ADGRL1: variants seen among roughly 807,000 people sequenced by gnomAD.
ADGRL1 encodes the protein adhesion G protein-coupled receptor L1.
A neutral mutation model predicts 148.9 loss-of-function variants in ADGRL1; 31 were observed. That is an observed-to-expected ratio of 0.21 (90% CI 0.16 to 0.28). The LOEUF (loss-of-function observed/expected upper bound fraction) is 0.28. Ranked by LOEUF, ADGRL1 falls within the 10% of genes least tolerant of loss-of-function variation. The probability of loss-of-function intolerance (pLI) is 1.00; values close to 1 mark genes in which losing one functional copy is unlikely to be tolerated. For synonymous variants in ADGRL1, 937 were observed against 900.3 expected (o/e 1.04, Z -0.73); for missense variants, 1,521 against 2,058.8 (o/e 0.74, Z 5.05).
intron 18 of ADGRL1, among the ~76,000 whole-genome samples, chr19:14,154,896 C>T (rs1408059889): frequency 2.0e-5 from 3 of 152,290 alleles, no homozygotes; most frequent in Admixed American, 1.3e-4. Flanking sequence ...GGATTACAGG[C>T]GTGAGCCACC....
chr19:14,177,266 G>A (rs564511513), intron 3 of ADGRL1, among the ~76,000 whole-genome samples: 12 of 152,220 alleles, frequency 7.9e-5, no homozygotes, highest in Admixed American at 4.6e-4. Context: ...ATCTTGGGAT[G>A]GAAGTTATGG....
intron 1 of ADGRL1, among the ~76,000 whole-genome samples, chr19:14,196,130 G>A (rs1434821675): frequency 6.6e-6 from 1 of 152,080 alleles, no homozygotes; most frequent in Non-Finnish European, 1.5e-5. Context: ...CTATCTATCT[G>A]CCACCCCTGT....
At chr19:14,170,441 G>T (rs1172623777) in intron 4 of ADGRL1, 2 of 446,034 alleles carry the variant, frequency 4.5e-6, no homozygotes, top group African/African-American at 4.0e-5. Flanking sequence ...GCTGGGGTAA[G>T]GAGAGCTGGA....
chr19:14,161,623 G>A lies in ADGRL1; in HGVS notation c.1199C>T (p.Pro400Leu). Residue 400 changes from proline to leucine, a missense_variant, in exon 6 of 23, where the codon CCA becomes CTA. Physicochemically the swap from Pro to Leu is moderately conservative, Grantham distance 98. This residue lies in a region of ADGRL1 where 270 missense variants were observed against 320.4 expected (regional missense o/e 0.84). Transcript: ENST00000361434. The surrounding 1 kb of genome is among the most constrained non-coding windows in gnomAD (Gnocchi z 4.4). ...CGTGCTGAGGGGTGGGGAAGTGGCT[G>A]GGCCTGGAGAGGGGATACGAGACAG... The part of the protein sequence containing the change: ...EFGPPDPSAG[P>L]ATSPPLSTTT... 2.1e-6 allele frequency: 3 copies of A among 1,410,962 alleles called. No individual in the cohort carries two copies. The highest frequency in any genetic ancestry group is 2.8e-6 in the Non-Finnish European group (3 of 1,087,816). 87.4% of individuals were successfully genotyped at this position (1,410,962 alleles called of 1,614,324 possible). A position where few individuals can be genotyped will look rare whatever the true frequency, so the allele number is the denominator to read the frequency against.
At chr19:14,165,774 G>T (rs927105014) in intron 4 of ADGRL1, among the ~76,000 whole-genome samples, 3 of 152,006 alleles carry the variant, frequency 2.0e-5, no homozygotes, top group Admixed American at 6.6e-5. Flanking sequence ...TGGGGGAGAG[G>T]GGAAGACGGG....
In ADGRL1 at chr19:14,161,366, G is replaced by A; in HGVS notation, c.1456C>T (p.Pro486Ser). Residue 486 changes from proline (P) to serine (S), a missense_variant, in exon 6 of 23, where the codon CCG (proline) becomes TCG (serine). Pro to Ser is a moderately conservative substitution (Grantham distance 74). This residue lies in a region of ADGRL1 where 270 missense variants were observed against 320.4 expected (regional missense o/e 0.84). Transcript: ENST00000361434. The surrounding 1 kb of genome is among the most constrained non-coding windows in gnomAD (Gnocchi z 4.4). Reference sequence around the variant, plus strand: ...ACCAGCATGCCCTGCTGGGTGGCCGGCCACTGGACCCGCCGTACCTCTCGG... The same window carrying A: ...ACCAGCATGCCCTGCTGGGTGGCCGACCACTGGACCCGCCGTACCTCTCGG... ...EPREVRRVQW[P>S]ATQQGMLVER... 1 of 1,575,366 alleles carries A rather than the reference G, an allele frequency of 6.3e-7. No homozygotes were observed. The highest frequency in any genetic ancestry group is 8.6e-7 in the Non-Finnish European group (1 of 1,163,640).
chr19:14,172,049 C>A (rs917224045), intron 3 of ADGRL1, among the ~76,000 whole-genome samples: 1 of 152,146 alleles, frequency 6.6e-6, no homozygotes, highest in Admixed American at 6.5e-5. Flanking sequence ...AAGGATCTAG[C>A]AGGGAGAGAG....
intron 1 of ADGRL1, among the ~76,000 whole-genome samples, chr19:14,205,651 G>C (rs1305275297): frequency 1.4e-5 from 2 of 147,920 alleles, no homozygotes; most frequent in African/African-American, 2.6e-5. Context: ...ACAAAGGCTG[G>C]CGCGCGCGCG....
chr19:14,166,938 G>A (rs1265557686), intron 4 of ADGRL1: 1 of 1,421,724 alleles, frequency 7.0e-7, no homozygotes, highest in Non-Finnish European at 9.9e-7. Flanking sequence ...AGGGGCCGGG[G>A]GAGGGCAGGT....
intron 2 of ADGRL1, 139 bp downstream of exon 2, chr19:14,183,394 C>T (rs1971355743): frequency 1.3e-6 from 1 of 757,240 alleles, no homozygotes; most frequent in Middle Eastern, 3.3e-4. Flanking sequence ...CTTCCACTGG[C>T]CTGCTCCAGC....
chr19:14,163,498 G>GA lies in ADGRL1; in HGVS notation c.395-93_395-92insT, dbSNP rs1491250499. On this transcript the variant is annotated intron_variant, in intron 4 of 22. Coordinates refer to ENST00000361434, the MANE Select transcript of ADGRL1 (RefSeq NM_014921.5). Reference sequence around the variant, plus strand: ...AGAGAGAGAGAGAGAGAGAGAGAGAGGGGGGAGAGAGGCAAGTTGGTCACG... The same window carrying GA: ...AGAGAGAGAGAGAGAGAGAGAGAGAGAGGGGGAGAGAGGCAAGTTGGTCACG... 3.4e-3 allele frequency: 3,194 copies of GA among 947,326 alleles called. 4 individuals are homozygous for GA. The highest frequency in any genetic ancestry group is 5.1e-3 in the Admixed American group (174 of 33,984). The allele number at this position is 947,326 out of a possible 1,614,324, so 58.7% of individuals were successfully genotyped here.
chr19:14,157,794 G>A lies in ADGRL1; in HGVS notation c.2535+88C>T, dbSNP rs1394380481. ...CACACCCATGGGGCTAGCCTCCCCTGGTACTGCCCGTGATCTCTCTAGGAT... is the reference window on the plus strand; with the variant it reads ...CACACCCATGGGGCTAGCCTCCCCTAGTACTGCCCGTGATCTCTCTAGGAT... On this transcript the variant is annotated intron_variant, in intron 13 of 22. Coordinates refer to ENST00000361434, the MANE Select transcript of ADGRL1 (RefSeq NM_014921.5). This position sits in a 1 kb window ranked among gnomAD's most constrained non-coding sequence, Gnocchi z 7.5. 1.3e-6 allele frequency: 2 copies of A among 1,486,720 alleles called. No homozygotes were observed. Among genetic ancestry groups the A allele is most frequent in the Admixed American group, 4.1e-5 (2 of 48,942 alleles). The allele number at this position is 1,486,720 out of a possible 1,614,324, so 92.1% of individuals were successfully genotyped here.
rs1172170908 is a variant in ADGRL1 at position 14,184,642 on chromosome 19, ATTTATTTT to A, written c.-95-953_-95-946del. On this transcript the variant is annotated intron_variant, in intron 1 of 22. Transcript: ENST00000361434. The stretch of plus-strand genomic sequence containing the variant: ...TATTTATTTATTTATTTATTTATTT[ATTTATTTT>A]TTTTTCTGAGACGGAGTCGTGCTCT... Among the ~76,000 whole-genome samples the A allele has an allele frequency of 5.7e-4, 62 of 107,878 alleles. 1 individual carries two copies. The highest frequency in any genetic ancestry group is 2.2e-3 in the African/African-American group (45 of 20,264). The allele number at this position is 107,878 out of a possible 152,430, so 70.8% of individuals were successfully genotyped here. A position where few individuals can be genotyped will look rare whatever the true frequency, so the allele number is the denominator to read the frequency against.
At chr19:14,188,650 G>A (rs1307832872) in intron 1 of ADGRL1, among the ~76,000 whole-genome samples, 1 of 152,190 alleles carries the variant, frequency 6.6e-6, no homozygotes, top group Non-Finnish European at 1.5e-5. Context: ...ACACCCCAGT[G>A]TTGGTCCACA....
At chr19:14,191,163 G>A (rs1275573202) in intron 1 of ADGRL1, 6 of 456,632 alleles carry the variant, frequency 1.3e-5, no homozygotes, top group Admixed American at 2.3e-5. Flanking sequence ...TCTGACTCCC[G>A]CCTTGTCTCC....
In ADGRL1 at chr19:14,157,937, G is replaced by A. The variant is rs768079255; in HGVS notation, c.2480C>T (p.Thr827Met). The A allele has an allele frequency of 7.2e-5, 117 of 1,614,094 alleles. 1 individual carries two copies. In the Admixed American group the frequency reaches 1.4e-3, roughly 20 times the overall value. Reference protein sequence around the residue: ...RLVESNKTHTTCACSHLTNFA... With the variant: ...RLVESNKTHTMCACSHLTNFA... ...GTTGGTGAGGTGGCTGCAGGCACACGTGGTATGGGTCTTGTTGGACTCCAC... is the reference window on the plus strand; with the variant it reads ...GTTGGTGAGGTGGCTGCAGGCACACATGGTATGGGTCTTGTTGGACTCCAC... The change falls in exon 13 of 23, where the codon ACG (threonine) becomes ATG (methionine). Residue 827 changes from threonine (T) to methionine (M), a missense_variant. Physicochemically the swap from Thr to Met is moderately conservative, Grantham distance 81 (BLOSUM62 -1). Transcript: ENST00000361434. This position sits in a 1 kb window ranked among gnomAD's most constrained non-coding sequence, Gnocchi z 7.5.
In ADGRL1 at chr19:14,159,724, CT is replaced by C. The variant is rs766385607; in HGVS notation, c.1839+10del. 4.6e-4 allele frequency: 750 copies of C among 1,613,056 alleles called. 6 individuals are homozygous for C. Among genetic ancestry groups the C allele is most frequent in the Middle Eastern group, 1.7e-3 (10 of 6,056 alleles). On this transcript the variant is annotated intron_variant, in intron 9 of 22. Transcript: ENST00000361434. This position sits in a 1 kb window ranked among gnomAD's most constrained non-coding sequence, Gnocchi z 6.0. ...CCCACGGTCCTTACACTGGGACCCCCTGGGTCTCACCTTGATATAATCCTTA... is the reference window on the plus strand; with the variant it reads ...CCCACGGTCCTTACACTGGGACCCCCGGGTCTCACCTTGATATAATCCTTA...
At chr19:14,195,971 C>A (rs1972232663) in intron 1 of ADGRL1, among the ~76,000 whole-genome samples, 1 of 152,210 alleles carries the variant, frequency 6.6e-6, no homozygotes, top group African/African-American at 2.4e-5. Flanking sequence ...GGATCCCTCT[C>A]CCCTCACATC....
intron 1 of ADGRL1, among the ~76,000 whole-genome samples, chr19:14,187,346 T>C (rs548699752): frequency 6.6e-6 from 1 of 152,026 alleles, no homozygotes; most frequent in East Asian, 1.9e-4. Flanking sequence ...CAAAAATAAA[T>C]AAATAAAACA....
Sources: gnomAD v4.1 joint callset for allele counts (sites outside exome capture counted in the v4.1 genomes callset) on GRCh38, gnomAD v4.1.1 for gene constraint, gnomAD v4.1.1 regional missense constraint, Gnocchi (gnomAD v3.1) non-coding constraint, MANE v1.5 for transcripts, NCBI Gene and HGNC (gene_info 2026-07-23, HGNC 2026-07-21) for gene names.